Variants in BPTF observed in about 807,000 individuals in gnomAD.
BPTF encodes the protein bromodomain PHD finger transcription factor, also known as nucleosome-remodeling factor subunit BPTF.
A neutral mutation model predicts 292.5 loss-of-function variants in BPTF; 18 were observed. The observed-to-expected ratio is 0.06, with a 90% CI of 0.04 to 0.09. The LOEUF (loss-of-function observed/expected upper bound fraction) is 0.09, where lower values mean the gene tolerates loss of function less well. Ranked by LOEUF, BPTF falls within the 10% of genes least tolerant of loss-of-function variation. The pLI is 1.00. For synonymous variants in BPTF, 1,225 were observed against 1,251.9 expected (o/e 0.98, Z 0.45); for missense variants, 2,726 against 3,498.7 (o/e 0.78, Z 5.57).
chr17:67,846,981 A>G (rs2058075390), intron 1 of BPTF, among the ~76,000 whole-genome samples: 1 of 152,064 alleles, frequency 6.6e-6, no homozygotes, highest in Non-Finnish European at 1.5e-5. Flanking sequence ...AATTACAGGC[A>G]TGAGCCACCA....
At chr17:67,944,400 C>G in intron 20 of BPTF, 28 bp downstream of exon 20, 2 of 1,604,252 alleles carry the variant, frequency 1.2e-6, no homozygotes, top group Non-Finnish European at 1.7e-6. Flanking sequence ...TCGGAAATGT[C>G]GGATGTTACT....
intron 7 of BPTF, among the ~76,000 whole-genome samples, chr17:67,901,415 AG>A (rs1300789831): frequency 6.6e-6 from 1 of 152,208 alleles, no homozygotes; most frequent in Admixed American, 6.5e-5. Context: ...TAAAAAATCC[AG>A]ATGCCATAGA....
chr17:67,961,672 C>T (rs782070597), intron 24 of BPTF, among the ~76,000 whole-genome samples: 3 of 152,096 alleles, frequency 2.0e-5, no homozygotes, highest in Non-Finnish European at 4.4e-5. Flanking sequence ...CATAGAGAGA[C>T]CCCGTCTGTA....
rs1555687420 is a variant in BPTF at position 67,966,423 on chromosome 17, T to TA, written c.8455-149_8455-148insA. ...AGAGGAAGCTCATCTTAGGTAACTA[T>TA]TACTAGAGCAGAAATCACTTAATAT... On this transcript the variant is annotated intron_variant, in intron 25 of 27. Coordinates refer to ENST00000306378, the MANE Select transcript of BPTF (RefSeq NM_182641.4). 5.6e-6 allele frequency: 3 copies of TA among 535,594 alleles called. No homozygotes were observed. The Admixed American group carries it at 1.4e-4, about 25-fold the overall frequency. The allele number at this position is 535,594 out of a possible 1,614,324, so 33.2% of individuals were successfully genotyped here. A position where few individuals can be genotyped will look rare whatever the true frequency, so the allele number is the denominator to read the frequency against.
intron 1 of BPTF, among the ~76,000 whole-genome samples, chr17:67,831,296 G>A (rs1309180325): frequency 6.6e-6 from 1 of 152,100 alleles, no homozygotes; most frequent in Non-Finnish European, 1.5e-5. Flanking sequence ...AGTAACAATG[G>A]GGAGGTCAAG....
intron 4 of BPTF, among the ~76,000 whole-genome samples, chr17:67,879,543 G>T (rs1185439544): frequency 6.6e-6 from 1 of 152,148 alleles, no homozygotes; most frequent in African/African-American, 2.4e-5. Flanking sequence ...AGTAGATAAT[G>T]GCTATCTTAG....
intron 24 of BPTF, chr17:67,963,258 C>G (rs1334708955): frequency 7.2e-7 from 1 of 1,395,110 alleles, no homozygotes; most frequent in African/African-American, 1.5e-5. Context: ...TGAATCAAGG[C>G]AGGGAAGACA....
At chr17:67,949,392 T>C (rs2066066819) in intron 23 of BPTF, among the ~76,000 whole-genome samples, 1 of 151,610 alleles carries the variant, frequency 6.6e-6, no homozygotes, top group Non-Finnish European at 1.5e-5. Context: ...CAGACCAACA[T>C]GGTGAAACCC....
intron 4 of BPTF, among the ~76,000 whole-genome samples, chr17:67,881,467 A>G (rs534094038): frequency 6.7e-6 from 1 of 148,846 alleles, no homozygotes; most frequent in Non-Finnish European, 1.5e-5. Flanking sequence ...CCTCTCACTC[A>G]TTAATAATCT....
At chr17:67,875,461 T>G in intron 4 of BPTF, 1 of 981,174 alleles carries the variant, frequency 1.0e-6, no homozygotes, top group Non-Finnish European at 1.4e-6. Context: ...GAAGCAGGTT[T>G]TTTGTGATTA....
At chr17:67,910,492 T>C (rs2146892102) in intron 10 of BPTF, among the ~76,000 whole-genome samples, 1 of 152,226 alleles carries the variant, frequency 6.6e-6, no homozygotes, top group Non-Finnish European at 1.5e-5. Context: ...TGCATGTGGC[T>C]AGAGATACTT....
At chr17:67,938,359 G>C (rs989893462) in intron 18 of BPTF, among the ~76,000 whole-genome samples, 1 of 152,134 alleles carries the variant, frequency 6.6e-6, no homozygotes, top group Non-Finnish European at 1.5e-5. Flanking sequence ...TCAAATTAAA[G>C]ACCTTGGCCA....
At chr17:67,910,469 A>T (rs1376519706) in intron 10 of BPTF, among the ~76,000 whole-genome samples, 1 of 152,174 alleles carries the variant, frequency 6.6e-6, no homozygotes, top group Non-Finnish European at 1.5e-5. Flanking sequence ...AAAAAACTAG[A>T]TAAGCTAGAT....
At chr17:67,831,961 G>C (rs1378738448) in intron 1 of BPTF, among the ~76,000 whole-genome samples, 1 of 152,030 alleles carries the variant, frequency 6.6e-6, no homozygotes, top group African/African-American at 2.4e-5. Flanking sequence ...GCATAATCTC[G>C]GTTCACTGCA....
chr17:67,919,947 C>A (rs1398248115), intron 12 of BPTF, 68 bp from the exon 13 acceptor site: 2 of 1,470,586 alleles, frequency 1.4e-6, no homozygotes, highest in Admixed American at 2.1e-5. Context: ...TTGAAAGCAC[C>A]AGATGTACCT....
intron 21 of BPTF, among the ~76,000 whole-genome samples, chr17:67,946,578 G>A (rs1555675645): frequency 6.6e-6 from 1 of 152,214 alleles, no homozygotes; most frequent in Non-Finnish European, 1.5e-5. Context: ...AAGATGGGAA[G>A]AATGGAGTTA....
intron 18 of BPTF, among the ~76,000 whole-genome samples, chr17:67,939,647 G>A (rs1010776590): frequency 1.3e-5 from 2 of 152,220 alleles, no homozygotes; most frequent in African/African-American, 4.8e-5. Context: ...GGAGGCCAAG[G>A]CGGGTGGATC....
At chr17:67,843,922 T>C (rs1355041179) in intron 1 of BPTF, among the ~76,000 whole-genome samples, 3 of 148,576 alleles carry the variant, frequency 2.0e-5, no homozygotes, top group South Asian at 4.3e-4. Flanking sequence ...TGTGCCACCA[T>C]GGCCGGCTAA....
chr17:67,904,236 C>T (rs2062032271), intron 8 of BPTF, among the ~76,000 whole-genome samples: 1 of 144,902 alleles, frequency 6.9e-6, no homozygotes, highest in Non-Finnish European at 1.5e-5. Flanking sequence ...ACCATGTTAG[C>T]CAGGTGAGTC....
Sources: allele counts gnomAD v4.1 joint callset (sites outside exome capture counted in the v4.1 genomes callset), GRCh38; gene constraint gnomAD v4.1.1; transcripts MANE v1.5; gene names NCBI Gene and HGNC (gene_info 2026-07-23, HGNC 2026-07-21).